Variants in SBSN observed in about 807,000 individuals in gnomAD.
The protein encoded by SBSN is suprabasin.
SBSN carries 33 observed loss-of-function variants against 42.8 expected under a neutral mutation model. That is an observed-to-expected ratio of 0.77 (90% CI 0.58 to 1.03). SBSN has a LOEUF of 1.03. Ranked by LOEUF, SBSN falls within the 50% of genes least tolerant of loss-of-function variation. SBSN has a pLI of 0.00. For synonymous variants in SBSN, 276 were observed against 307.0 expected, an observed-to-expected ratio of 0.90 and a Z score of 1.06; for missense variants, 646 against 757.3, an observed-to-expected ratio of 0.85 and a Z score of 1.72.
chr19:35,525,827 C>T (rs1004310287), intron 1 of SBSN, among the ~76,000 whole-genome samples: 9 of 152,240 alleles, frequency 5.9e-5, no homozygotes, highest in South Asian at 2.1e-4. Flanking sequence ...GGATTAGAGG[C>T]GCCAGCCACC....
rs753502139 is a variant in SBSN at position 35,526,849 on chromosome 19, T to C, written c.1433A>G (p.Gln478Arg). The C allele has an allele frequency of 6.2e-7, 1 of 1,613,958 alleles. No homozygotes were observed. The highest frequency in any genetic ancestry group is 2.2e-5 in the East Asian group (1 of 44,840). The change falls in exon 1 of 4, where the codon CAA becomes CGA. Residue 478 changes from glutamine (Q) to arginine (R), a missense_variant. By Grantham distance (43) the Gln-to-Arg change is conservative. This residue lies in a region of SBSN where 236 missense variants were observed against 225.6 expected (regional missense o/e 1.05). Coordinates refer to ENST00000452271, the MANE Select transcript of SBSN (RefSeq NM_001166034.2). ...QAGKEADKAV[Q>R]GFHTGVHQAG... is the part of the protein sequence containing the mutation. ...CTGGTGGACCCCAGTGTGGAACCCTTGGACCGCTTTGTCTGCTTCCTTCCC... is the reference window on the plus strand; with the variant it reads ...CTGGTGGACCCCAGTGTGGAACCCTCGGACCGCTTTGTCTGCTTCCTTCCC...
Position 35,523,499 on chromosome 19 carries a change from C to T in SBSN, c.*11G>A, listed in dbSNP as rs772350719. Reference sequence around the variant, plus strand: ...GGCGACATTATTCTCCCAGCAAGGCCGGATGCCAGTTTAGGGCATGATGTT... The same window carrying T: ...GGCGACATTATTCTCCCAGCAAGGCTGGATGCCAGTTTAGGGCATGATGTT... On this transcript the variant is annotated 3_prime_UTR_variant, in exon 4 of 4. Transcript: ENST00000452271. 9.9e-6 allele frequency: 16 copies of T among 1,613,850 alleles called. No homozygotes were observed. The highest frequency in any genetic ancestry group is 6.7e-5 in the Admixed American group (4 of 60,006).
chr19:35,525,141 T>A (rs998255211), intron 1 of SBSN, among the ~76,000 whole-genome samples: 1 of 152,148 alleles, frequency 6.6e-6, no homozygotes, highest in African/African-American at 2.4e-5. Context: ...AAGCCCCTTT[T>A]AATTTCCTTA....
In SBSN at chr19:35,526,677, G is replaced by T; in HGVS notation, c.1605C>A (p.Asn535Lys). The T allele has an allele frequency of 6.2e-7, 1 of 1,611,780 alleles. No individual in the cohort carries two copies. The highest frequency in any genetic ancestry group is 8.5e-7 in the Non-Finnish European group (1 of 1,179,462). Residue 535 changes from asparagine (N) to lysine (K), a missense_variant, in exon 1 of 4, where the codon AAC becomes AAA. Coordinates refer to ENST00000452271, the MANE Select transcript of SBSN (RefSeq NM_001166034.2). ...GCTGGTTGGCCTCCTTGCTGGCTTG[G>T]TTGACCCCATTATGAGCATTCTGCA... is the stretch of plus-strand genomic sequence containing the variant. ...KELQNAHNGV[N>K]QASKEANQLL... is the part of the protein sequence containing the mutation.
At chr19:35,525,004 C>T (rs1358880456) in intron 1 of SBSN, 80 bp from the exon 2 acceptor site, 2 of 1,476,928 alleles carry the variant, frequency 1.4e-6, no homozygotes, top group East Asian at 2.4e-5. Context: ...GGGACCTGGT[C>T]CCCTCCAGGG....
In SBSN at chr19:35,527,682, TCCGGCCTGCCCTGC is replaced by T; in HGVS notation, c.586_599del (p.Ala196LysfsTer2). 6.7e-7 allele frequency: 1 copy of T among 1,501,440 alleles called. No individual in the cohort carries two copies. Among genetic ancestry groups the T allele is most frequent in the South Asian group, 1.2e-5 (1 of 82,198 alleles). The allele number at this position is 1,501,440 out of a possible 1,614,324, so 93.0% of individuals were successfully genotyped here. ...CCTGGCCAAATCTCCCAGCCTCATT[TCCGGCCTGCCCTGC>T]AGCATGGTGGACTCCCTGGCCAAAC... On this transcript the variant is annotated frameshift_variant, in exon 1 of 4. Transcript: ENST00000452271. LOFTEE classifies it high-confidence loss of function.
intron 3 of SBSN, among the ~76,000 whole-genome samples, 184 bp downstream of exon 3, chr19:35,524,527 G>C (rs149542614): frequency 0.018 from 2,779 of 152,178 alleles, 81 homozygotes; most frequent in African/African-American, 0.061. Flanking sequence ...ATGAGGGCAG[G>C]GTGCAAAGGG....
chr19:35,526,774 T>C lies in SBSN; in HGVS notation c.1508A>G (p.Asp503Gly). The part of the protein sequence containing the change: ...KLGQGVNHAA[D>G]QAGKEVEKLG... ...CTTCTCCACTTCCTTTCCAGCCTGGTCAGCAGCATGGTTGACCCCTTGGCC... is the reference window on the plus strand; with the variant it reads ...CTTCTCCACTTCCTTTCCAGCCTGGCCAGCAGCATGGTTGACCCCTTGGCC... The change falls in exon 1 of 4, where the codon GAC becomes GGC. Residue 503 changes from aspartate to glycine, a missense_variant. This residue lies in a region of SBSN where 236 missense variants were observed against 225.6 expected (regional missense o/e 1.05). Transcript: ENST00000452271. The C allele has an allele frequency of 6.2e-7, 1 of 1,605,870 alleles. No individual in the cohort carries two copies.
Position 35,526,722 on chromosome 19 carries a change from A to T in SBSN, c.1560T>A (p.Ala520=). ...EKLGQGAHHA[A]GQAGKELQNA... The stretch of plus-strand genomic sequence containing the variant: ...TCTGCAGCTCCTTCCCGGCCTGGCC[A>T]GCAGCATGGTGGGCACCTTGGCCAA... The change falls in exon 1 of 4, where the codon GCT becomes GCA. Residue 520 remains alanine, a synonymous_variant. Coordinates refer to ENST00000452271, the MANE Select transcript of SBSN (RefSeq NM_001166034.2). 1 of 1,610,134 alleles carries T rather than the reference A, an allele frequency of 6.2e-7. No homozygotes were observed. Among genetic ancestry groups the T allele is most frequent in the East Asian group, 2.2e-5 (1 of 44,630 alleles).
At chr19:35,526,047 G>A (rs974097871) in intron 1 of SBSN, among the ~76,000 whole-genome samples, 1 of 152,162 alleles carries the variant, frequency 6.6e-6, no homozygotes, top group African/African-American at 2.4e-5. Flanking sequence ...GCTGGGCAGT[G>A]CAGGGGAAGA....
At position 35,528,264 on chromosome 19, in the gene SBSN, C is replaced by A; in HGVS notation, c.18G>T (p.Leu6=). 2 of 1,611,104 alleles carry A rather than the reference C, an allele frequency of 1.2e-6. No individual in the cohort carries two copies. Among genetic ancestry groups the A allele is most frequent in the Non-Finnish European group, 1.7e-6 (2 of 1,179,120 alleles). MHLAR[L]VGSCSLLLLL... is the part of the protein sequence containing the mutation. ...GCAGAAGGAGGGAGCAGGAGCCGACCAGACGTGCAAGATGCATATTGCTGG... is the reference window on the plus strand; with the variant it reads ...GCAGAAGGAGGGAGCAGGAGCCGACAAGACGTGCAAGATGCATATTGCTGG... The change falls in exon 1 of 4, where the codon CTG becomes CTT. Residue 6 remains leucine (L), a synonymous_variant. Coordinates refer to ENST00000452271, the MANE Select transcript of SBSN (RefSeq NM_001166034.2).
At position 35,528,002 on chromosome 19, in the gene SBSN, T is replaced by TGG. The variant is rs755958866; in HGVS notation, c.279_280insCC (p.Met94ProfsTer41). 1.9e-6 allele frequency: 3 copies of TGG among 1,613,930 alleles called. No homozygotes were observed. Among genetic ancestry groups the TGG allele is most frequent in the Non-Finnish European group, 2.5e-6 (3 of 1,180,038 alleles). On this transcript the variant is annotated frameshift_variant, in exon 1 of 4. Coordinates refer to ENST00000452271, the MANE Select transcript of SBSN (RefSeq NM_001166034.2). LOFTEE classifies it high-confidence loss of function. ...TTGATCTCATGGGCAACCTTGTCCA[T>TGG]GCCGTGGTTGAGCCCCTGGACGCCT...
In SBSN at chr19:35,528,022, A is replaced by G. The variant is rs1399270430; in HGVS notation, c.260T>C (p.Val87Ala). 11 of 1,613,510 alleles carry G rather than the reference A, an allele frequency of 6.8e-6. No individual in the cohort carries two copies. The highest frequency in any genetic ancestry group is 9.3e-6 in the Non-Finnish European group (11 of 1,180,016). Reference protein sequence around the residue: ...SHTGKELDKGVQGLNHGMDKV... With the variant: ...SHTGKELDKGAQGLNHGMDKV... ...GTCCATGCCGTGGTTGAGCCCCTGGACGCCTTTGTCCAACTCCTTGCCGGT... is the reference window on the plus strand; with the variant it reads ...GTCCATGCCGTGGTTGAGCCCCTGGGCGCCTTTGTCCAACTCCTTGCCGGT... The change falls in exon 1 of 4, where the codon GTC (valine) becomes GCC (alanine). Residue 87 changes from valine (V) to alanine (A), a missense_variant. Physicochemically the swap from Val to Ala is moderately conservative, Grantham distance 64. Coordinates refer to ENST00000452271, the MANE Select transcript of SBSN (RefSeq NM_001166034.2).
Position 35,527,699 on chromosome 19 carries a change from C to T in SBSN, c.583G>A (p.Ala195Thr), listed in dbSNP as rs978387232. 2.6e-6 allele frequency: 4 copies of T among 1,519,882 alleles called. No homozygotes were observed. The highest frequency in any genetic ancestry group is 2.1e-5 in the Admixed American group (1 of 48,618). 94.1% of individuals were successfully genotyped at this position (1,519,882 alleles called of 1,614,324 possible). The change falls in exon 1 of 4, where the codon GCT becomes ACT. Residue 195 changes from alanine to threonine, a missense_variant. Physicochemically the swap from Ala to Thr is moderately conservative, Grantham distance 58. Transcript: ENST00000452271. ...GCCTCATTTCCGGCCTGCCCTGCAG[C>T]ATGGTGGACTCCCTGGCCAAACCTC... Reference protein sequence around the residue: ...AGRFGQGVHHAAGQAGNEAGR... With the variant: ...AGRFGQGVHHTAGQAGNEAGR...
At position 35,527,009 on chromosome 19, in the gene SBSN, C is replaced by T. The variant is rs745658693; in HGVS notation, c.1273G>A (p.Asp425Asn). 3.0e-5 allele frequency: 46 copies of T among 1,545,004 alleles called. No individual in the cohort carries two copies. In the African/African-American group the frequency reaches 4.1e-4, roughly 14 times the overall value. ...AGREAGQFGH[D>N]IHHTAGQAGK... Reference sequence around the variant, plus strand: ...GCCTGCCCTGCTGTGTGGTGAATGTCGTGGCCAAACTGCCCCGCCTCCCTT... The same window carrying T: ...GCCTGCCCTGCTGTGTGGTGAATGTTGTGGCCAAACTGCCCCGCCTCCCTT... Residue 425 changes from aspartate to asparagine, a missense_variant, in exon 1 of 4, where the codon GAC becomes AAC. Coordinates refer to ENST00000452271, the MANE Select transcript of SBSN (RefSeq NM_001166034.2).
Position 35,524,750 on chromosome 19 carries a change from C to G in SBSN, c.1710G>C (p.Ser570=), listed in dbSNP as rs17705633. 5.3e-4 allele frequency: 863 copies of G among 1,613,784 alleles called. 8 individuals carry two copies. The East Asian group carries it at 0.017, about 32-fold the overall frequency. ...ATTTPLASGA[S]VNTPFINLPA... Reference sequence around the variant, plus strand: ...GAAGGTTGATGAAAGGCGTGTTGACCGAGGCCTGCAATTCAAGGACAAGAA... The same window carrying G: ...GAAGGTTGATGAAAGGCGTGTTGACGGAGGCCTGCAATTCAAGGACAAGAA... The change falls in exon 3 of 4, where the codon TCG becomes TCC. Residue 570 remains serine (S), a synonymous_variant. Transcript: ENST00000452271.
rs2071379866 is a variant in SBSN at position 35,526,910 on chromosome 19, A to C, written c.1372T>G (p.Phe458Val). The C allele has an allele frequency of 6.2e-7, 1 of 1,608,284 alleles. No homozygotes were observed. The highest frequency in any genetic ancestry group is 8.5e-7 in the Non-Finnish European group (1 of 1,177,522). Reference protein sequence around the residue: ...VHEAGKEAGQFGQGVHHTLEQ... With the variant: ...VHEAGKEAGQVGQGVHHTLEQ... Reference sequence around the variant, plus strand: ...AGGGTATGGTGAACTCCCTGGCCAAACTGCCCTGCCTCCTTCCCGGCCTCG... The same window carrying C: ...AGGGTATGGTGAACTCCCTGGCCAACCTGCCCTGCCTCCTTCCCGGCCTCG... The change falls in exon 1 of 4, where the codon TTT (phenylalanine) becomes GTT (valine). Residue 458 changes from phenylalanine (F) to valine (V), a missense_variant. Coordinates refer to ENST00000452271, the MANE Select transcript of SBSN (RefSeq NM_001166034.2).
intron 1 of SBSN, among the ~76,000 whole-genome samples, chr19:35,525,552 T>C (rs2071361214): frequency 6.8e-6 from 1 of 147,472 alleles, no homozygotes; most frequent in African/African-American, 2.5e-5. Flanking sequence ...GGACCCCTCA[T>C]GGAGCCTGGA....
rs1161229826 is a variant in SBSN, at chr19:35,523,646, C to T, written c.1750-113G>A. The T allele has an allele frequency of 1.3e-5, 14 of 1,053,966 alleles. No individual in the cohort carries two copies. In the East Asian group the frequency reaches 1.4e-4, roughly 11 times the overall value. 65.3% of individuals were successfully genotyped at this position (1,053,966 alleles called of 1,614,324 possible). ...ACAAGGGGACTGGCTGCTCTGGCCC[C>T]GGAGTTATGTTCTGGGGAAGTTTCA... On this transcript the variant is annotated intron_variant, in intron 3 of 3. Coordinates refer to ENST00000452271, the MANE Select transcript of SBSN (RefSeq NM_001166034.2).
Sources: gnomAD v4.1 joint callset for allele counts (sites outside exome capture counted in the v4.1 genomes callset) on GRCh38, gnomAD v4.1.1 for gene constraint, gnomAD v4.1.1 regional missense constraint, MANE v1.5 for transcripts, NCBI Gene and HGNC (gene_info 2026-07-23, HGNC 2026-07-21) for gene names.